CNIH3: variants seen among roughly 807,000 people sequenced by gnomAD.
The protein encoded by CNIH3 is cornichon family AMPA receptor auxiliary protein 3.
CNIH3 carries 14 observed loss-of-function variants against 24.1 expected under a neutral mutation model. That is an observed-to-expected ratio of 0.58 (90% CI 0.38 to 0.91). The LOEUF is 0.91. Ranked by LOEUF, CNIH3 falls within the 40% of genes least tolerant of loss-of-function variation. The pLI, the probability that CNIH3 is intolerant of heterozygous loss-of-function variation, is 0.00. For synonymous variants in CNIH3, 68 were observed against 73.8 expected, an observed-to-expected ratio of 0.92 and a Z score of 0.40; for missense variants, 178 against 196.8, an observed-to-expected ratio of 0.90 and a Z score of 0.57.
intron 2 of CNIH3, among the ~76,000 whole-genome samples, chr1:224,535,750 C>G (rs1430419972): frequency 1.3e-5 from 2 of 152,192 alleles, no homozygotes; most frequent in Non-Finnish European, 2.9e-5. Flanking sequence ...GCTGCTGCCA[C>G]TGGGGCTGGT....
intron 1 of CNIH3, among the ~76,000 whole-genome samples, chr1:224,621,877 C>G (rs1040933976): frequency 6.6e-6 from 1 of 152,150 alleles, no homozygotes; most frequent in African/African-American, 2.4e-5. Flanking sequence ...TGGGAAGGAT[C>G]TGGTGGGAGG....
In CNIH3 at chr1:224,603,381, A is replaced by G. The variant is rs114213526; in HGVS notation, n.402+37117A>G. On this transcript the variant is annotated intron_variant and non_coding_transcript_variant, in intron 3 of 7. Transcript: ENST00000478120. ...AGTTTTCTTTCACAGGATCAATGCT[A>G]TCTTCAGTGATTAACCTTTGTTCTT... 6.5e-3 allele frequency among the ~76,000 whole-genome samples: 986 copies of G among 152,314 alleles called. 11 individuals are homozygous for G. Among genetic ancestry groups the G allele is most frequent in the African/African-American group, 0.023 (947 of 41,564 alleles).
intron 3 of CNIH3, among the ~76,000 whole-genome samples, chr1:224,718,147 A>C (rs1688524822): frequency 6.6e-6 from 1 of 152,166 alleles, no homozygotes; most frequent in Admixed American, 6.6e-5. Flanking sequence ...CAATAGGTAC[A>C]TTTTCAGATA....
chr1:224,646,336 C>T (rs1684605381), intron 1 of CNIH3, among the ~76,000 whole-genome samples: 1 of 152,222 alleles, frequency 6.6e-6, no homozygotes, highest in Non-Finnish European at 1.5e-5. Context: ...AGGACAGCTG[C>T]CCGGGACACA....
At chr1:224,719,117 T>C (rs1244790967) in intron 3 of CNIH3, 1 of 152,094 alleles carries the variant, frequency 6.6e-6, no homozygotes, top group African/African-American at 2.4e-5. Flanking sequence ...ATCTGTTAAG[T>C]GAATAAATGG....
chr1:224,519,266 C>G (rs941312791), intron 1 of CNIH3, among the ~76,000 whole-genome samples: 4 of 152,160 alleles, frequency 2.6e-5, no homozygotes, highest in Non-Finnish European at 4.4e-5. Flanking sequence ...CTGAATAGAA[C>G]AGAAGGCAGA....
intron 3 of CNIH3, among the ~76,000 whole-genome samples, chr1:224,701,903 A>G (rs1230974604): frequency 6.6e-6 from 1 of 152,214 alleles, no homozygotes. Context: ...TATAAAAATA[A>G]TATGTTCATA....
At chr1:224,688,291 T>A (rs746748269) in intron 3 of CNIH3, among the ~76,000 whole-genome samples, 209 of 152,210 alleles carry the variant, frequency 1.4e-3, no homozygotes, top group Non-Finnish European at 2.5e-3. Context: ...GTCTGGCCCT[T>A]GAGGTCTGAC....
At chr1:224,467,861 AT>A (rs1302960206) in intron 1 of CNIH3, among the ~76,000 whole-genome samples, 1 of 150,610 alleles carries the variant, frequency 6.6e-6, no homozygotes, top group African/African-American at 2.4e-5. Context: ...TTTTAAGTTA[AT>A]TTTTGTAAAA....
At chr1:224,725,423 A>T (rs1688970651) in intron 3 of CNIH3, among the ~76,000 whole-genome samples, 1 of 152,218 alleles carries the variant, frequency 6.6e-6, no homozygotes, top group South Asian at 2.1e-4. Context: ...ATGTAACTGT[A>T]GGAATTTATA....
rs144800207 is a variant in CNIH3 at position 224,510,314 on chromosome 1, A to T, written n.204-5427A>T. 8.0e-3 allele frequency among the ~76,000 whole-genome samples: 1,218 copies of T among 152,180 alleles called. 14 individuals carry two copies. The highest frequency in any genetic ancestry group is 0.027 in the African/African-American group (1,140 of 41,492). On this transcript the variant is annotated intron_variant and non_coding_transcript_variant, in intron 1 of 5. Transcript: ENST00000471578. ...CTTCATCCTCAGCTGATGGGCAGGCATGGAGTGTCAGTAGGGGCGCCCCGT... is the reference window on the plus strand; with the variant it reads ...CTTCATCCTCAGCTGATGGGCAGGCTTGGAGTGTCAGTAGGGGCGCCCCGT...
chr1:224,454,364 A>G (rs902475569), intron 1 of CNIH3: 101 of 945,530 alleles, frequency 1.1e-4, no homozygotes, highest in Admixed American at 1.9e-4. Context: ...AAATAATTCA[A>G]CTATATTGTG....
intron 3 of CNIH3, among the ~76,000 whole-genome samples, chr1:224,696,672 C>T (rs1384011693): frequency 6.6e-6 from 1 of 152,112 alleles, no homozygotes; most frequent in Non-Finnish European, 1.5e-5. Context: ...GATGGAACAG[C>T]CCAATAGGTA....
At chr1:224,551,543 T>G (rs986614246) in intron 3 of CNIH3, among the ~76,000 whole-genome samples, 3 of 152,102 alleles carry the variant, frequency 2.0e-5, no homozygotes, top group African/African-American at 7.2e-5. Flanking sequence ...TCACAGTGTA[T>G]TAACATTGGG....
At chr1:224,544,421 T>G (rs577882918) in intron 2 of CNIH3, among the ~76,000 whole-genome samples, 2 of 152,318 alleles carry the variant, frequency 1.3e-5, no homozygotes, top group South Asian at 4.1e-4. Context: ...AGATAATCAA[T>G]CCCAGATCCT....
intron 3 of CNIH3, among the ~76,000 whole-genome samples, chr1:224,558,485 G>A (rs893069910): frequency 2.0e-5 from 3 of 152,282 alleles, no homozygotes; most frequent in African/African-American, 4.8e-5. Context: ...CAGACAGTAA[G>A]AGGGTGCATT....
intron 1 of CNIH3, among the ~76,000 whole-genome samples, chr1:224,633,055 C>G (rs1293239674): frequency 6.6e-6 from 1 of 152,138 alleles, no homozygotes; most frequent in African/African-American, 2.4e-5. Flanking sequence ...TTGCTTGCTC[C>G]CTGCCCCTTA....
chr1:224,631,674 C>T (rs1232706677), intron 1 of CNIH3, among the ~76,000 whole-genome samples: 1 of 152,174 alleles, frequency 6.6e-6, no homozygotes, highest in South Asian at 2.1e-4. Flanking sequence ...ACCTCCACAG[C>T]GTCTCAAACC....
chr1:224,569,940 T>C (rs941239998), intron 4 of CNIH3, among the ~76,000 whole-genome samples: 1 of 151,950 alleles, frequency 6.6e-6, no homozygotes, highest in Non-Finnish European at 1.5e-5. Flanking sequence ...CCTACCAACA[T>C]GCTGGGCTAA....
Sources: gnomAD v4.1 joint callset for allele counts (sites outside exome capture counted in the v4.1 genomes callset) on GRCh38, gnomAD v4.1.1 for gene constraint, MANE v1.5 for transcripts, NCBI Gene and HGNC (gene_info 2026-07-23, HGNC 2026-07-21) for gene names.